The following CYP7B1 variants were observed in gnomAD, a reference collection of about 807,000 sequenced individuals.
CYP7B1 encodes the protein cytochrome P450 7B1.
A neutral mutation model predicts 42.7 loss-of-function variants in CYP7B1; 29 were observed. The observed-to-expected ratio is 0.68, with a 90% CI of 0.51 to 0.93. The LOEUF (loss-of-function observed/expected upper bound fraction) is 0.93. CYP7B1 is among the 40% of genes least tolerant of loss of function. The pLI, the probability that CYP7B1 is intolerant of heterozygous loss-of-function variation, is 0.00. For missense variants in CYP7B1, 655 were observed against 600.5 expected (o/e 1.09, Z -0.95); for synonymous variants, 235 against 218.2 (o/e 1.08, Z -0.68).
chr8:64,596,782 G>A lies in CYP7B1; in HGVS notation c.1381C>T (p.Gln461Ter), dbSNP rs778171640. Residue 461 changes from glutamine (Q) to a stop codon, truncating the protein, a stop_gained, in exon 6 of 6, where the codon CAA becomes TAA. Coordinates refer to ENST00000310193, the MANE Select transcript of CYP7B1 (RefSeq NM_004820.5). LOFTEE classifies it low-confidence loss of function (END_TRUNC). ...TAAGTTAAAAGTATAACCAACAATT[G>A]TTTTATTTCCATAAGTGCAAAAAAT... Reference protein sequence around the residue: ...GRFFALMEIKQLLVILLTYFD... With the variant: ...GRFFALMEIK 6.2e-7 allele frequency: 1 copy of A among 1,613,928 alleles called. No individual in the cohort carries two copies.
At chr8:64,765,208 T>C (rs923657796) in intron 1 of CYP7B1, among the ~76,000 whole-genome samples, 26 of 152,134 alleles carry the variant, frequency 1.7e-4, no homozygotes, top group Admixed American at 6.5e-5. Flanking sequence ...ATCCTAAATC[T>C]ACAAGGTTTT....
intron 1 of CYP7B1, among the ~76,000 whole-genome samples, chr8:64,763,069 C>T (rs911416676): frequency 3.4e-4 from 52 of 152,180 alleles, no homozygotes; most frequent in Admixed American, 2.9e-3. Flanking sequence ...GCTGAGCTTT[C>T]GCTGGCCGTC....
chr8:64,770,405 A>T (rs1227550194), intron 1 of CYP7B1, among the ~76,000 whole-genome samples: 1 of 152,204 alleles, frequency 6.6e-6, no homozygotes, highest in Admixed American at 6.5e-5. Flanking sequence ...CTGAGATATG[A>T]TGGAAATGGA....
intron 5 of CYP7B1, among the ~76,000 whole-genome samples, chr8:64,601,236 T>C (rs1805198491): frequency 6.6e-6 from 1 of 152,182 alleles, no homozygotes. Context: ...CAGAATTGCA[T>C]TAGATTAAAC....
chr8:64,649,250 C>T (rs1259905189), intron 1 of CYP7B1, among the ~76,000 whole-genome samples: 1 of 152,170 alleles, frequency 6.6e-6, no homozygotes, highest in Non-Finnish European at 1.5e-5. Context: ...TACCTTTTTA[C>T]CTTCTGTTTC....
intron 1 of CYP7B1, among the ~76,000 whole-genome samples, chr8:64,645,175 G>C (rs1183712864): frequency 2.0e-5 from 3 of 150,622 alleles, no homozygotes; most frequent in Non-Finnish European, 4.4e-5. Context: ...GGACATTTGG[G>C]TTGGTTCCAA....
chr8:64,604,034 T>G (rs570329588), intron 5 of CYP7B1, among the ~76,000 whole-genome samples: 1 of 152,220 alleles, frequency 6.6e-6, no homozygotes, highest in African/African-American at 2.4e-5. Flanking sequence ...TCTGAAGCGG[T>G]ATTAAGGGAT....
At chr8:64,697,366 T>C (rs541219465) in intron 1 of CYP7B1, among the ~76,000 whole-genome samples, 1 of 149,468 alleles carries the variant, frequency 6.7e-6, no homozygotes, top group South Asian at 2.1e-4. Context: ...ACTCATTCAG[T>C]TTTTTATGAC....
intron 4 of CYP7B1, among the ~76,000 whole-genome samples, chr8:64,611,103 C>A (rs1201668160): frequency 6.6e-6 from 1 of 152,128 alleles, no homozygotes; most frequent in Non-Finnish European, 1.5e-5. Context: ...TGTCCACATG[C>A]ACATCATGCC....
At chr8:64,648,988 TA>T (rs1805995803) in intron 1 of CYP7B1, among the ~76,000 whole-genome samples, 1 of 152,192 alleles carries the variant, frequency 6.6e-6, no homozygotes, top group Admixed American at 6.5e-5. Flanking sequence ...AAAATCATGG[TA>T]ACAAATAATA....
chr8:64,684,783 C>T (rs768535363), intron 1 of CYP7B1, among the ~76,000 whole-genome samples: 3 of 152,152 alleles, frequency 2.0e-5, no homozygotes, highest in African/African-American at 4.8e-5. Context: ...GAAATTACTC[C>T]TAGACATTTC....
chr8:64,665,489 G>T (rs760508984), intron 1 of CYP7B1, among the ~76,000 whole-genome samples: 4 of 150,424 alleles, frequency 2.7e-5, no homozygotes, highest in African/African-American at 4.9e-5. Context: ...CTAAGTTTGG[G>T]CAAAGTGTTT....
At chr8:64,752,487 G>A (rs747516843) in intron 1 of CYP7B1, among the ~76,000 whole-genome samples, 25 of 151,958 alleles carry the variant, frequency 1.6e-4, no homozygotes, top group African/African-American at 5.8e-4. Flanking sequence ...GCTCTCCGAT[G>A]TATCTCTGCC....
intron 1 of CYP7B1, among the ~76,000 whole-genome samples, chr8:64,637,748 T>G (rs1229240746): frequency 1.3e-5 from 2 of 152,228 alleles, no homozygotes; most frequent in Non-Finnish European, 2.9e-5. Context: ...AAACTTTCAA[T>G]GTTTACACCA....
At chr8:64,686,368 C>G (rs1435456775) in intron 1 of CYP7B1, among the ~76,000 whole-genome samples, 2 of 36,914 alleles carry the variant, frequency 5.4e-5, no homozygotes, top group Non-Finnish European at 5.9e-5. Context: ...GTGAGGAGCC[C>G]CTCTGCCCGG....
chr8:64,677,747 C>T (rs1345645001), intron 1 of CYP7B1, among the ~76,000 whole-genome samples: 5 of 81,900 alleles, frequency 6.1e-5, no homozygotes, highest in Non-Finnish European at 8.9e-5. Context: ...AGAAATGTAT[C>T]TTAAGATCTA....
chr8:64,607,388 G>A lies in CYP7B1; in HGVS notation c.1058-2531C>T, dbSNP rs148076838. 1.6e-3 allele frequency among the ~76,000 whole-genome samples: 201 copies of A among 122,438 alleles called. 2 individuals are homozygous for A. The highest frequency in any genetic ancestry group is 5.5e-3 in the African/African-American group (180 of 32,898). 80.3% of individuals were successfully genotyped at this position (122,438 alleles called of 152,430 possible). A position where few individuals can be genotyped will look rare whatever the true frequency, so the allele number is the denominator to read the frequency against. ...AAAGCTAGCACTCAGTTCTCAATTC[G>A]CTCTAGAATTAAAAAAAAAAAAAAA... On this transcript the variant is annotated intron_variant, in intron 4 of 5. Coordinates refer to ENST00000310193, the MANE Select transcript of CYP7B1 (RefSeq NM_004820.5).
chr8:64,618,830 A>T lies in CYP7B1; in HGVS notation c.260-2549T>A, dbSNP rs1239434923. On this transcript the variant is annotated intron_variant, in intron 2 of 5. Coordinates refer to ENST00000310193, the MANE Select transcript of CYP7B1 (RefSeq NM_004820.5). ...TATAAAAATCAGTACTGTTAACTTC[A>T]TTTGTTTGTAGATCTAATCTCACTC... Among the ~76,000 whole-genome samples, 4 of 152,078 alleles carry T rather than the reference A, an allele frequency of 2.6e-5. No individual in the cohort carries two copies. The East Asian group carries it at 7.7e-4, about 29-fold the overall frequency.
chr8:64,768,667 A>G (rs1440300854), intron 1 of CYP7B1, among the ~76,000 whole-genome samples: 1 of 152,206 alleles, frequency 6.6e-6, no homozygotes, highest in African/African-American at 2.4e-5. Context: ...CTATGAGATA[A>G]GTCTTATTGT....
Sources: gnomAD v4.1 joint callset for allele counts (sites outside exome capture counted in the v4.1 genomes callset) on GRCh38, gnomAD v4.1.1 for gene constraint, MANE v1.5 for transcripts, NCBI Gene and HGNC (gene_info 2026-07-23, HGNC 2026-07-21) for gene names.